Variants in IDI1 observed in about 807,000 individuals in gnomAD.
The protein encoded by IDI1 is isopentenyl-diphosphate delta isomerase 1.
Under a neutral mutation model 32.9 loss-of-function variants are expected in IDI1, and 23 were observed. That is an observed-to-expected ratio of 0.70 (90% CI 0.50 to 0.99). The LOEUF is 0.99. Among genes scored for constraint, IDI1 ranks in the 50% least tolerant of loss-of-function variants. The pLI is 0.00. For missense variants in IDI1, 326 were observed against 351.9 expected, an observed-to-expected ratio of 0.93 and a Z score of 0.59; for synonymous variants, 133 against 128.2, an observed-to-expected ratio of 1.04 and a Z score of -0.25.
intron 4 of IDI1, among the ~76,000 whole-genome samples, chr10:1,042,165 CTTTA>C (rs1474422577): frequency 6.6e-6 from 1 of 152,030 alleles, no homozygotes; most frequent in Admixed American, 6.6e-5. Flanking sequence ...ATAAGAAATA[CTTTA>C]TTTATCCAGG....
At chr10:1,048,723 G>C in intron 1 of IDI1, 141 bp downstream of exon 1, 1 of 1,428,372 alleles carries the variant, frequency 7.0e-7, no homozygotes. Context: ...GGAGACCAAC[G>C]CCGCCACCCC....
Position 1,042,780 on chromosome 10 carries a change from A to G in IDI1, c.407-18T>C, listed in dbSNP as rs769594024. The G allele has an allele frequency of 5.0e-6, 8 of 1,605,772 alleles. No individual in the cohort carries two copies. In the South Asian group the frequency reaches 8.8e-5, roughly 18 times the overall value. On this transcript the variant is annotated intron_variant, in intron 3 of 4. Transcript: ENST00000381344. ...AAAACAACCTGGAAAATGGTAATAC[A>G]GAGACAGATCAACTTTTCTTCAAAG...
chr10:1,045,724 C>T (rs1433056629), intron 1 of IDI1, among the ~76,000 whole-genome samples: 1 of 152,212 alleles, frequency 6.6e-6, no homozygotes, highest in Non-Finnish European at 1.5e-5. Flanking sequence ...GCTTTGGCCT[C>T]CCAAAGTGTT....
In IDI1 at chr10:1,041,512, A is replaced by T. The variant is rs539649877; in HGVS notation, c.538-8T>A. ...AATTTCTTCTGGAGGAACCTAAGAC[A>T]TTAAAAAAAAAAAAGTAATTAAAAC... On this transcript the variant is annotated splice_region_variant and splice_polypyrimidine_tract_variant and intron_variant, in intron 4 of 4. Transcript: ENST00000381344. 1 of 1,457,384 alleles carries T rather than the reference A, an allele frequency of 6.9e-7. No homozygotes were observed. Among genetic ancestry groups the T allele is most frequent in the Non-Finnish European group, 9.2e-7 (1 of 1,086,538 alleles). The allele number at this position is 1,457,384 out of a possible 1,614,324, so 90.3% of individuals were successfully genotyped here. A position where few individuals can be genotyped will look rare whatever the true frequency, so the allele number is the denominator to read the frequency against.
At position 1,042,694 on chromosome 10, in the gene IDI1, G is replaced by A. The variant is rs1333375473; in HGVS notation, c.475C>T (p.Leu159Phe). 6.2e-7 allele frequency: 1 copy of A among 1,613,952 alleles called. No individual in the cohort carries two copies. Among genetic ancestry groups the A allele is most frequent in the Non-Finnish European group, 8.5e-7 (1 of 1,179,878 alleles). Residue 159 changes from leucine to phenylalanine, a missense_variant, in exon 4 of 5, where the codon CTT (leucine) becomes TTT (phenylalanine). Around this residue, in one of 2 missense-constraint regions of IDI1, gnomAD observed 205 missense variants for 273.5 expected, o/e 0.75. Coordinates refer to ENST00000381344, the MANE Select transcript of IDI1 (RefSeq NM_004508.4). The part of the protein sequence containing the change: ...NPAELEESDA[L>F]GVRRAAQRRL... The stretch of plus-strand genomic sequence containing the variant: ...CTCTGTGCTGCTCGCCTCACTCCAA[G>A]GGCGTCACTTTCCTCAAGCTCGGCT...
At position 1,041,359 on chromosome 10, in the gene IDI1, T is replaced by C. The variant is rs1303406137; in HGVS notation, c.683A>G (p.Tyr228Cys). ...TAGTTCTTCCTTTGACACATAACAA[T>C]AGCTTTTAATCTCATTGGGATCTGG... ...LNPDPNEIKS[Y>C]CYVSKEELKE... The change falls in exon 5 of 5, where the codon TAT becomes TGT. Residue 228 changes from tyrosine (Y) to cysteine (C), a missense_variant. By Grantham distance (194) the Tyr-to-Cys change is radical. Around this residue, in one of 2 missense-constraint regions of IDI1, gnomAD observed 205 missense variants for 273.5 expected, o/e 0.75. Transcript: ENST00000381344. The C allele has an allele frequency of 3.1e-6, 5 of 1,613,652 alleles. No homozygotes were observed. Among genetic ancestry groups the C allele is most frequent in the African/African-American group, 1.3e-5 (1 of 74,922 alleles).
Position 1,040,548 on chromosome 10 carries a change from C to G in IDI1, c.*639G>C, listed in dbSNP as rs1433879090. On this transcript the variant is annotated 3_prime_UTR_variant, in exon 5 of 5. Coordinates refer to ENST00000381344, the MANE Select transcript of IDI1 (RefSeq NM_004508.4). Reference sequence around the variant, plus strand: ...AATACTATTTACAAGAAGATTCAACCTAATCAATATCACTTATCAAAAGCA... The same window carrying G: ...AATACTATTTACAAGAAGATTCAACGTAATCAATATCACTTATCAAAAGCA... 6.6e-6 allele frequency: 1 copy of G among 152,236 alleles called. No individual in the cohort carries two copies. Among genetic ancestry groups the G allele is most frequent in the Non-Finnish European group, 1.5e-5 (1 of 68,070 alleles). The allele number at this position is 152,236 out of a possible 1,614,324, so 9.4% of individuals were successfully genotyped here.
the IDI1 span, among the ~76,000 whole-genome samples, chr10:1,055,466 T>C: frequency 2.6e-5 from 4 of 152,178 alleles, no homozygotes; most frequent in Admixed American, 2.0e-4. Context: ...AAACCACCTG[T>C]TAGAATGCGG....
intron 4 of IDI1, 135 bp from the exon 5 acceptor site, chr10:1,041,639 A>C: frequency 2.0e-6 from 1 of 495,858 alleles, no homozygotes; most frequent in East Asian, 2.9e-5. Flanking sequence ...TTAAAGCATT[A>C]ATCTCCTATC....
chr10:1,051,360 CATT>C (rs1189103300), upstream of IDI1, among the ~76,000 whole-genome samples: 9 of 152,324 alleles, frequency 5.9e-5, no homozygotes, highest in East Asian at 1.7e-3. Context: ...AAAATTCCAA[CATT>C]ATTGGCAACA....
chr10:1,040,636 G>A lies in IDI1; in HGVS notation c.*551C>T, dbSNP rs1832537262. ...ATAAACCACACAATCAACTCAGAAT[G>A]ATACAAATTAGGGTCCATATCATTT... On this transcript the variant is annotated 3_prime_UTR_variant, in exon 5 of 5. Coordinates refer to ENST00000381344, the MANE Select transcript of IDI1 (RefSeq NM_004508.4). The A allele has an allele frequency of 6.6e-6, 1 of 152,558 alleles. No individual in the cohort carries two copies. The highest frequency in any genetic ancestry group is 1.5e-5 in the Non-Finnish European group (1 of 68,272). 9.5% of individuals were successfully genotyped at this position (152,558 alleles called of 1,614,324 possible).
At chr10:1,048,398 C>T in intron 1 of IDI1, 1 of 1,304,654 alleles carries the variant, frequency 7.7e-7, no homozygotes, top group Non-Finnish European at 1.0e-6. Context: ...CCCTCTTGCA[C>T]GGACGCAGGT....
At chr10:1,044,967 T>G (rs1832758629) in intron 1 of IDI1, among the ~76,000 whole-genome samples, 1 of 152,218 alleles carries the variant, frequency 6.6e-6, no homozygotes, top group Non-Finnish European at 1.5e-5. Flanking sequence ...GTAAACTGAG[T>G]GTGGGTGCAT....
intron 1 of IDI1, among the ~76,000 whole-genome samples, chr10:1,046,536 C>T: frequency 7.9e-6 from 1 of 126,476 alleles, no homozygotes; most frequent in Non-Finnish European, 1.7e-5. Context: ...ACTGTCTACA[C>T]CACACCGCCC....
At chr10:1,052,660 G>GT (rs1321204048), upstream of IDI1, among the ~76,000 whole-genome samples, 2 of 152,182 alleles carry the variant, frequency 1.3e-5, no homozygotes, top group Non-Finnish European at 2.9e-5. Context: ...ACCACACTGT[G>GT]TAAGTAGATG....
intron 1 of IDI1, chr10:1,048,640 A>C (rs1832878057): frequency 7.1e-7 from 1 of 1,406,390 alleles, no homozygotes; most frequent in African/African-American, 1.5e-5. Flanking sequence ...TGACGCCCCG[A>C]CTCACGCCTC....
upstream of IDI1, chr10:1,049,713 GGT>G (rs1832941432): frequency 6.6e-6 from 1 of 152,042 alleles, no homozygotes; most frequent in South Asian, 2.0e-4. Context: ...TGAGTGCAAT[GGT>G]GCAGTCTCCG....
chr10:1,042,155 A>G (rs1194398682), intron 4 of IDI1, among the ~76,000 whole-genome samples: 2 of 152,170 alleles, frequency 1.3e-5, no homozygotes, highest in Admixed American at 6.5e-5. Flanking sequence ...GAAAATATAG[A>G]TAAGAAATAC....
chr10:1,039,482 A>G lies in IDI1; in HGVS notation c.*1705T>C, dbSNP rs1832488004. 6.6e-6 allele frequency: 1 copy of G among 152,242 alleles called. No homozygotes were observed. The highest frequency in any genetic ancestry group is 1.5e-5 in the Non-Finnish European group (1 of 68,052). 9.4% of individuals were successfully genotyped at this position (152,242 alleles called of 1,614,324 possible). On this transcript the variant is annotated 3_prime_UTR_variant, in exon 5 of 5. Coordinates refer to ENST00000381344, the MANE Select transcript of IDI1 (RefSeq NM_004508.4). ...AGAGTTTAAAACAGTTTAAGAAAAAAAAAATTTATAGGTACCATTTAGCTT... is the reference window on the plus strand; with the variant it reads ...AGAGTTTAAAACAGTTTAAGAAAAAGAAAATTTATAGGTACCATTTAGCTT...
Sources: gnomAD v4.1 joint callset for allele counts (sites outside exome capture counted in the v4.1 genomes callset) on GRCh38, gnomAD v4.1.1 for gene constraint, gnomAD v4.1.1 regional missense constraint, MANE v1.5 for transcripts, NCBI Gene and HGNC (gene_info 2026-07-23, HGNC 2026-07-21) for gene names.